FAT3: variants seen among roughly 807,000 people sequenced by gnomAD.
FAT3 encodes protocadherin Fat 3.
In FAT3, 95 loss-of-function variants were observed where a neutral mutation model predicts 310.2. That is an observed-to-expected ratio of 0.31 (90% CI 0.26 to 0.36). The LOEUF (loss-of-function observed/expected upper bound fraction) is 0.36, where lower values mean the gene tolerates loss of function less well. Ranked by LOEUF, FAT3 falls within the 10% of genes least tolerant of loss-of-function variation. The pLI, the probability that FAT3 is intolerant of heterozygous loss-of-function variation, is 1.00. For synonymous variants in FAT3, 2,314 were observed against 2,192.9 expected, an observed-to-expected ratio of 1.06 and a Z score of -1.54; for missense variants, 5,408 against 5,715.6, an observed-to-expected ratio of 0.95 and a Z score of 1.74.
chr11:92,288,148 CA>C (rs569863535), intron 1 of FAT3, among the ~76,000 whole-genome samples: 379 of 152,098 alleles, frequency 2.5e-3, no homozygotes, highest in African/African-American at 8.6e-3. Context: ...GCCTGTAAAA[CA>C]AAGGAGATTC....
chr11:92,441,962 G>C (rs915907713), intron 2 of FAT3, among the ~76,000 whole-genome samples: 8 of 151,116 alleles, frequency 5.3e-5, no homozygotes, highest in African/African-American at 2.0e-4. Flanking sequence ...TCACGACTCA[G>C]GAGCTACTCA....
At chr11:92,292,802 T>C (rs768358429) in intron 1 of FAT3, among the ~76,000 whole-genome samples, 2 of 152,044 alleles carry the variant, frequency 1.3e-5, no homozygotes, top group Non-Finnish European at 2.9e-5. Context: ...ATCACAGGTA[T>C]TTTAAGAAGG....
chr11:92,576,334 T>C (rs930913360), intron 3 of FAT3, among the ~76,000 whole-genome samples: 22 of 152,176 alleles, frequency 1.4e-4, no homozygotes, highest in African/African-American at 5.3e-4. Flanking sequence ...CTTGACTGTG[T>C]CATTAAATAG....
At chr11:92,429,899 T>G (rs1011330178) in intron 2 of FAT3, among the ~76,000 whole-genome samples, 2 of 152,174 alleles carry the variant, frequency 1.3e-5, no homozygotes, top group Admixed American at 1.3e-4. Flanking sequence ...GTTCTCTCTA[T>G]TTCCTGAATT....
Position 92,798,722 on chromosome 11 carries a change from G to A in FAT3, c.5709G>A (p.Leu1903=). ...LLPTYVGVEV[L]KVSATDPDSE... Reference sequence around the variant, plus strand: ...CTACCTATGTTGGAGTGGAGGTTCTGAAAGTTAGTGCCACAGATCCTGACT... The same window carrying A: ...CTACCTATGTTGGAGTGGAGGTTCTAAAAGTTAGTGCCACAGATCCTGACT... Residue 1903 remains leucine, a synonymous_variant, in exon 10 of 28, where the codon CTG becomes CTA. Coordinates refer to ENST00000525166, the MANE Select transcript of FAT3 (RefSeq NM_001367949.2). The A allele has an allele frequency of 1.9e-6, 3 of 1,613,832 alleles. No individual in the cohort carries two copies. Among genetic ancestry groups the A allele is most frequent in the Non-Finnish European group, 2.5e-6 (3 of 1,179,840 alleles).
At chr11:92,579,379 A>G (rs1297997923) in intron 3 of FAT3, among the ~76,000 whole-genome samples, 1 of 152,120 alleles carries the variant, frequency 6.6e-6, no homozygotes, top group Non-Finnish European at 1.5e-5. Context: ...GTAGTGCCCA[A>G]GGGAGACCGT....
intron 13 of FAT3, among the ~76,000 whole-genome samples, chr11:92,823,733 A>G (rs1948029755): frequency 1.3e-5 from 2 of 152,294 alleles, no homozygotes; most frequent in South Asian, 4.1e-4. Context: ...GGGGCTACTG[A>G]CTGACCCCAG....
At position 92,759,951 on chromosome 11, in the gene FAT3, G is replaced by C. The variant is rs145078658; in HGVS notation, c.3670-1905G>C. Among the ~76,000 whole-genome samples the C allele has an allele frequency of 2.9e-3, 438 of 152,110 alleles. 2 individuals are homozygous for C. The highest frequency in any genetic ancestry group is 9.8e-3 in the African/African-American group (405 of 41,490). On this transcript the variant is annotated intron_variant, in intron 4 of 27. Transcript: ENST00000525166. ...TTGAGAGTTGTCTGAATTTGGACAGGCTTCTCAAGCAGAAAAGAGAGGCAG... is the reference window on the plus strand; with the variant it reads ...TTGAGAGTTGTCTGAATTTGGACAGCCTTCTCAAGCAGAAAAGAGAGGCAG...
intron 2 of FAT3, among the ~76,000 whole-genome samples, chr11:92,389,837 G>A (rs969908463): frequency 2.6e-5 from 4 of 152,064 alleles, no homozygotes; most frequent in Non-Finnish European, 5.9e-5. Context: ...TTAGAGCAAC[G>A]TAACACACTG....
At chr11:92,315,865 A>C (rs1947447493) in intron 1 of FAT3, among the ~76,000 whole-genome samples, 1 of 152,106 alleles carries the variant, frequency 6.6e-6, no homozygotes, top group Non-Finnish European at 1.5e-5. Context: ...TAAATTGAAC[A>C]GCATATATTA....
At chr11:92,336,369 A>G (rs1028841826) in intron 1 of FAT3, 10 of 372,654 alleles carry the variant, frequency 2.7e-5, no homozygotes, top group Non-Finnish European at 5.2e-5. Context: ...TTTTCCCACC[A>G]CAGCAGACAG....
chr11:92,337,340 AAC>A (rs773435701), intron 1 of FAT3, among the ~76,000 whole-genome samples: 5 of 152,218 alleles, frequency 3.3e-5, no homozygotes, highest in African/African-American at 4.8e-5. Context: ...TTCTCCCAAA[AAC>A]ATAAAAGTAA....
At chr11:92,852,002 C>T (rs1948842031) in intron 19 of FAT3, among the ~76,000 whole-genome samples, 1 of 152,090 alleles carries the variant, frequency 6.6e-6, no homozygotes, top group Non-Finnish European at 1.5e-5. Flanking sequence ...CGAGTTAACC[C>T]TTCAGCATCC....
intron 17 of FAT3, among the ~76,000 whole-genome samples, chr11:92,838,606 A>T (rs1948463327): frequency 1.3e-5 from 2 of 152,220 alleles, no homozygotes; most frequent in South Asian, 4.1e-4. Context: ...GATATGCATG[A>T]CTTGGAGGGC....
chr11:92,299,166 G>GA (rs1450908228), intron 1 of FAT3, among the ~76,000 whole-genome samples: 3 of 152,040 alleles, frequency 2.0e-5, no homozygotes, highest in Non-Finnish European at 4.4e-5. Context: ...GAGACAGAAG[G>GA]AAAAGTACTT....
chr11:92,540,786 C>T (rs946663728), intron 3 of FAT3, among the ~76,000 whole-genome samples: 1 of 149,280 alleles, frequency 6.7e-6, no homozygotes, highest in African/African-American at 2.5e-5. Context: ...TTTTTTTTGA[C>T]ACAGATCCCA....
intron 6 of FAT3, 52 bp downstream of exon 6, chr11:92,765,141 G>T: frequency 3.5e-6 from 4 of 1,150,940 alleles, no homozygotes; most frequent in African/African-American, 1.9e-5. Context: ...ATTGACTGAA[G>T]CAACTAGGAA....
intron 1 of FAT3, among the ~76,000 whole-genome samples, chr11:92,320,582 T>C (rs559505785): frequency 1.6e-4 from 24 of 152,254 alleles, no homozygotes; most frequent in African/African-American, 5.8e-4. Context: ...AAAGTGGTGC[T>C]TATGGCTGGG....
chr11:92,386,804 T>A (rs1157537895), intron 2 of FAT3, among the ~76,000 whole-genome samples: 1 of 152,186 alleles, frequency 6.6e-6, no homozygotes, highest in Non-Finnish European at 1.5e-5. Context: ...ACAGCTTGAG[T>A]GACACTGGGT....
Sources: allele counts gnomAD v4.1 joint callset (sites outside exome capture counted in the v4.1 genomes callset), GRCh38; gene constraint gnomAD v4.1.1; transcripts MANE v1.5; gene names NCBI Gene and HGNC (gene_info 2026-07-23, HGNC 2026-07-21).